Variants in ACTR3C observed in about 807,000 individuals in gnomAD.
ACTR3C encodes actin-related protein 3C.
A neutral mutation model predicts 26.3 loss-of-function variants in ACTR3C; 18 were observed. The ratio of observed to expected loss-of-function variants is 0.68; its 90% CI spans 0.47 to 1.01. ACTR3C has a LOEUF of 1.01. Ranked by LOEUF, ACTR3C falls within the 50% of genes least tolerant of loss-of-function variation. ACTR3C has a pLI of 0.00. For missense variants in ACTR3C, 184 were observed against 250.7 expected (o/e 0.73, Z 1.80); for synonymous variants, 55 against 94.5 (o/e 0.58, Z 2.42).
chr7:150,040,247 A>G, the ACTR3C span, among the ~76,000 whole-genome samples: 2 of 147,364 alleles, frequency 1.4e-5, no homozygotes, highest in South Asian at 2.2e-4. Flanking sequence ...AAACCTGTCT[A>G]GTTGTTTAGA....
At chr7:150,236,162 C>T in the ACTR3C span, among the ~76,000 whole-genome samples, 1 of 152,190 alleles carries the variant, frequency 6.6e-6, no homozygotes, top group East Asian at 1.9e-4. Context: ...ACATTTAACC[C>T]TGTATCTGGG....
chr7:150,272,819 T>A lies in ACTR3C; in HGVS notation c.564+11934A>T, dbSNP rs1834556016. Among the ~76,000 whole-genome samples the A allele has an allele frequency of 1.5e-5, 2 of 136,592 alleles. 1 individual carries two copies. The highest frequency in any genetic ancestry group is 6.4e-5 in the African/African-American group (2 of 31,194). 89.6% of individuals were successfully genotyped at this position (136,592 alleles called of 152,430 possible). A position where few individuals can be genotyped will look rare whatever the true frequency, so the allele number is the denominator to read the frequency against. ...AATCCTGCTGCCTCAGTCTCCCAAGTAGCTGAGACTACAGGTGCATCCAAC... is the reference window on the plus strand; with the variant it reads ...AATCCTGCTGCCTCAGTCTCCCAAGAAGCTGAGACTACAGGTGCATCCAAC... On this transcript the variant is annotated intron_variant, in intron 6 of 7. Transcript: ENST00000683684.
At chr7:150,224,917 C>T in the ACTR3C span, among the ~76,000 whole-genome samples, 3 of 151,808 alleles carry the variant, frequency 2.0e-5, no homozygotes, top group Non-Finnish European at 2.9e-5. Flanking sequence ...TTCAATACTA[C>T]TCTTATTTAT....
the ACTR3C span, among the ~76,000 whole-genome samples, chr7:150,037,162 CT>C: frequency 5.0e-5 from 2 of 40,140 alleles, 1 homozygote; most frequent in Non-Finnish European, 1.1e-4. Context: ...GCCTCCCCCC[CT>C]GTGATGGGGG....
chr7:150,154,417 G>A, the ACTR3C span, among the ~76,000 whole-genome samples: 2 of 151,834 alleles, frequency 1.3e-5, no homozygotes, highest in Non-Finnish European at 2.9e-5. Flanking sequence ...GAGATGCACT[G>A]TAGGCTGATT....
At chr7:150,064,288 C>A in the ACTR3C span, among the ~76,000 whole-genome samples, 3 of 147,706 alleles carry the variant, frequency 2.0e-5, no homozygotes, top group Non-Finnish European at 3.0e-5. Flanking sequence ...GACAAGGTGG[C>A]TCATGCCTGT....
intron 3 of ACTR3C, among the ~76,000 whole-genome samples, chr7:150,291,339 G>A (rs1345296021): frequency 1.3e-5 from 2 of 152,182 alleles, no homozygotes; most frequent in Non-Finnish European, 2.9e-5. Flanking sequence ...TGAGGCAGGA[G>A]AATCGCTTGA....
At chr7:150,047,889 T>A in the ACTR3C span, 11 of 1,411,520 alleles carry the variant, frequency 7.8e-6, no homozygotes, top group Middle Eastern at 1.3e-3. Context: ...TCTTTAGGGC[T>A]TTTTAATATT....
At chr7:149,987,051 A>G in the ACTR3C span, among the ~76,000 whole-genome samples, 2 of 137,778 alleles carry the variant, frequency 1.5e-5, no homozygotes, top group African/African-American at 5.5e-5. Context: ...TTCTACAATC[A>G]TAACACGCCC....
chr7:149,991,254 C>T, the ACTR3C span, among the ~76,000 whole-genome samples: 3 of 152,186 alleles, frequency 2.0e-5, no homozygotes, highest in African/African-American at 7.2e-5. Context: ...CGATTACCTC[C>T]CACTGTGTCC....
chr7:150,046,403 A>G, the ACTR3C span, among the ~76,000 whole-genome samples: 3 of 142,224 alleles, frequency 2.1e-5, no homozygotes, highest in Admixed American at 7.7e-5. Context: ...TGAAACAGGG[A>G]AACAGCATGG....
At chr7:150,182,491 C>T in the ACTR3C span, among the ~76,000 whole-genome samples, 3 of 150,456 alleles carry the variant, frequency 2.0e-5, no homozygotes, top group African/African-American at 7.5e-5. Context: ...TGTCTGTTGC[C>T]CGTAAAATTC....
the ACTR3C span, among the ~76,000 whole-genome samples, chr7:150,036,071 CGA>C: frequency 1.6e-5 from 1 of 61,580 alleles, no homozygotes; most frequent in Non-Finnish European, 3.6e-5. Context: ...CCCCGCGTCG[CGA>C]GGGGTGCTCC....
At chr7:150,084,255 C>T in the ACTR3C span, among the ~76,000 whole-genome samples, 1 of 151,886 alleles carries the variant, frequency 6.6e-6, no homozygotes, top group Admixed American at 6.6e-5. Flanking sequence ...AAAAAATAAA[C>T]CTACTTTAAA....
intron 4 of ACTR3C, among the ~76,000 whole-genome samples, chr7:150,288,008 C>G (rs1835917236): frequency 6.8e-6 from 1 of 146,728 alleles, no homozygotes; most frequent in Admixed American, 6.7e-5. Context: ...CTCCCTCAGG[C>G]CTGTTCGCGA....
At chr7:150,215,452 C>T in the ACTR3C span, among the ~76,000 whole-genome samples, 1 of 152,098 alleles carries the variant, frequency 6.6e-6, no homozygotes, top group Admixed American at 6.6e-5. Context: ...GATTATTAAT[C>T]ACTGCATTCA....
chr7:150,192,992 G>A, the ACTR3C span, among the ~76,000 whole-genome samples: 1 of 152,156 alleles, frequency 6.6e-6, no homozygotes, highest in African/African-American at 2.4e-5. Context: ...CGGTGAAAAG[G>A]ACAACTCTGA....
At chr7:150,204,753 G>T in the ACTR3C span, among the ~76,000 whole-genome samples, 1 of 151,928 alleles carries the variant, frequency 6.6e-6, no homozygotes, top group Non-Finnish European at 1.5e-5. Context: ...GAACAGGCCA[G>T]GGAGGACCAG....
chr7:150,249,675 G>A (rs1250029995), intron 6 of ACTR3C, among the ~76,000 whole-genome samples: 1 of 152,124 alleles, frequency 6.6e-6, no homozygotes, highest in East Asian at 1.9e-4. Flanking sequence ...GGCTCGTCTC[G>A]AACTCCTGAC....
Sources: allele counts gnomAD v4.1 joint callset (sites outside exome capture counted in the v4.1 genomes callset), GRCh38; gene constraint gnomAD v4.1.1; transcripts MANE v1.5; gene names NCBI Gene and HGNC (gene_info 2026-07-23, HGNC 2026-07-21).